Variants in CCSER1 observed in about 807,000 individuals in gnomAD.
The protein encoded by CCSER1 is coiled-coil serine rich protein 1.
A neutral mutation model predicts 82.0 loss-of-function variants in CCSER1; 41 were observed. That is an observed-to-expected ratio of 0.50 (90% CI 0.39 to 0.65). CCSER1 has a LOEUF of 0.65. Among genes scored for constraint, CCSER1 ranks in the 30% least tolerant of loss-of-function variants. The pLI, the probability that CCSER1 is intolerant of heterozygous loss-of-function variation, is 0.00. For missense variants in CCSER1, 1,119 were observed against 1,064.2 expected (o/e 1.05, Z -0.72); for synonymous variants, 414 against 383.9 (o/e 1.08, Z -0.92).
At chr4:90,731,574 G>A (rs946769479) in intron 7 of CCSER1, among the ~76,000 whole-genome samples, 1 of 152,052 alleles carries the variant, frequency 6.6e-6, no homozygotes, top group Non-Finnish European at 1.5e-5. Flanking sequence ...AATTCTTTGA[G>A]GGATAGCTGA....
chr4:91,591,311 TTTCTTACATGTAATTA>T (rs1374605046), intron 10 of CCSER1, among the ~76,000 whole-genome samples: 2 of 152,198 alleles, frequency 1.3e-5, no homozygotes, highest in Non-Finnish European at 2.9e-5. Flanking sequence ...TCAAAGCACT[TTTCTTACATGTAATTA>T]TATTTACCAG....
chr4:91,257,327 A>G (rs1740767645), intron 10 of CCSER1, among the ~76,000 whole-genome samples: 1 of 152,122 alleles, frequency 6.6e-6, no homozygotes, highest in East Asian at 1.9e-4. Context: ...TTTATTTTTC[A>G]AAAAGAAAGT....
At chr4:91,572,378 G>A (rs1023996721) in intron 10 of CCSER1, among the ~76,000 whole-genome samples, 1 of 152,016 alleles carries the variant, frequency 6.6e-6, no homozygotes, top group Non-Finnish European at 1.5e-5. Flanking sequence ...CTGGTTGGTA[G>A]GTCCAGCCCA....
chr4:90,253,093 A>AT (rs201297864), intron 1 of CCSER1, among the ~76,000 whole-genome samples: 6 of 151,780 alleles, frequency 4.0e-5, no homozygotes, highest in Admixed American at 2.6e-4. Context: ...GTTTGGTGTC[A>AT]TTTTTTCTCC....
At chr4:91,226,799 T>C (rs1336004320) in intron 10 of CCSER1, among the ~76,000 whole-genome samples, 1 of 151,904 alleles carries the variant, frequency 6.6e-6, no homozygotes, top group African/African-American at 2.4e-5. Flanking sequence ...ATACAGGAAA[T>C]CATTGTGTGG....
intron 9 of CCSER1, among the ~76,000 whole-genome samples, chr4:91,083,070 CAAAA>C (rs1210470862): frequency 1.3e-5 from 2 of 152,136 alleles, no homozygotes; most frequent in Non-Finnish European, 2.9e-5. Flanking sequence ...GGCATATACT[CAAAA>C]TATTATAAAT....
At chr4:90,720,361 T>C (rs1000645920) in intron 6 of CCSER1, among the ~76,000 whole-genome samples, 1 of 151,954 alleles carries the variant, frequency 6.6e-6, no homozygotes, top group Non-Finnish European at 1.5e-5. Context: ...TTAATAAAAT[T>C]ACCACATTTT....
At chr4:90,877,031 CT>C (rs1198833122) in intron 8 of CCSER1, among the ~76,000 whole-genome samples, 3 of 152,162 alleles carry the variant, frequency 2.0e-5, no homozygotes, top group South Asian at 2.1e-4. Context: ...TAATCCAACA[CT>C]TTTTTTCTTT....
intron 9 of CCSER1, among the ~76,000 whole-genome samples, chr4:91,012,633 A>G (rs1189564213): frequency 6.9e-6 from 1 of 145,608 alleles, no homozygotes; most frequent in Non-Finnish European, 1.6e-5. Context: ...AGCAGTAGCT[A>G]AGCCTCAAGG....
intron 5 of CCSER1, among the ~76,000 whole-genome samples, chr4:90,622,728 C>T (rs559173738): frequency 4.6e-5 from 7 of 151,988 alleles, no homozygotes; most frequent in East Asian, 1.9e-4. Flanking sequence ...AATAAACATA[C>T]GTGTGCATGT....
At chr4:91,257,183 G>A (rs1740756715) in intron 10 of CCSER1, among the ~76,000 whole-genome samples, 1 of 152,158 alleles carries the variant, frequency 6.6e-6, no homozygotes, top group South Asian at 2.1e-4. Flanking sequence ...AAATGTATTA[G>A]CATATGTTTA....
At chr4:90,294,222 A>C (rs1485691428) in intron 1 of CCSER1, among the ~76,000 whole-genome samples, 4 of 152,016 alleles carry the variant, frequency 2.6e-5, no homozygotes, top group Non-Finnish European at 5.9e-5. Flanking sequence ...TTTAATAAAA[A>C]ATAGTCTTGC....
At chr4:90,186,242 A>G (rs1369537976) in intron 1 of CCSER1, among the ~76,000 whole-genome samples, 4 of 152,002 alleles carry the variant, frequency 2.6e-5, no homozygotes, top group Admixed American at 2.6e-4. Flanking sequence ...CCCTTCTCTC[A>G]TAAAATAAAA....
intron 10 of CCSER1, among the ~76,000 whole-genome samples, chr4:91,152,550 A>C (rs535839729): frequency 1.1e-4 from 17 of 152,282 alleles, no homozygotes; most frequent in Admixed American, 3.3e-4. Context: ...TGTGAATTTG[A>C]TCCTGTCATT....
chr4:90,689,277 T>C (rs1735381506), intron 6 of CCSER1, among the ~76,000 whole-genome samples: 1 of 152,030 alleles, frequency 6.6e-6, no homozygotes, highest in Non-Finnish European at 1.5e-5. Flanking sequence ...AGCAAATTAT[T>C]TGGAACTCTG....
chr4:90,299,469 A>G (rs2153473072), intron 1 of CCSER1, among the ~76,000 whole-genome samples: 1 of 152,228 alleles, frequency 6.6e-6, no homozygotes, highest in South Asian at 2.1e-4. Context: ...TATCTAATCA[A>G]TTATGTGATT....
intron 7 of CCSER1, chr4:90,725,036 T>C (rs770300724): frequency 1.4e-5 from 6 of 439,310 alleles, no homozygotes; most frequent in Non-Finnish European, 2.3e-5. Flanking sequence ...GCCCTTTCTA[T>C]ACCTGCTAAT....
In CCSER1 at chr4:91,428,814, A is replaced by G. The variant is rs116831236; in HGVS notation, c.2218-169758A>G. Among the ~76,000 whole-genome samples, 1,345 of 152,108 alleles carry G rather than the reference A, an allele frequency of 8.8e-3. 24 individuals are homozygous for G. Among genetic ancestry groups the G allele is most frequent in the African/African-American group, 0.031 (1,268 of 41,532 alleles). ...GCATTTTAGTATTGTTTGAAATTCA[A>G]TCGAATGAAAAGTACTTTATTAATC... On this transcript the variant is annotated intron_variant, in intron 10 of 10. Coordinates refer to ENST00000509176, the MANE Select transcript of CCSER1 (RefSeq NM_001145065.2).
At chr4:90,609,463 A>C (rs971013154) in intron 5 of CCSER1, among the ~76,000 whole-genome samples, 3 of 134,098 alleles carry the variant, frequency 2.2e-5, no homozygotes, top group Non-Finnish European at 4.6e-5. Context: ...AAAAAAGTCT[A>C]TATAGTTTTC....
Sources: gnomAD v4.1 joint callset for allele counts (sites outside exome capture counted in the v4.1 genomes callset) on GRCh38, gnomAD v4.1.1 for gene constraint, MANE v1.5 for transcripts, NCBI Gene and HGNC (gene_info 2026-07-23, HGNC 2026-07-21) for gene names.